EPB41L5: variants seen among roughly 807,000 people sequenced by gnomAD.
EPB41L5 encodes the protein erythrocyte membrane protein band 4.1 like 5, also known as band 4.1-like protein 5.
Under a neutral mutation model 106.6 loss-of-function variants are expected in EPB41L5, and 55 were observed. That is an observed-to-expected ratio of 0.52 (90% CI 0.42 to 0.65). EPB41L5 has a LOEUF of 0.65. Ranked by LOEUF, EPB41L5 falls within the 30% of genes least tolerant of loss-of-function variation. The probability of loss-of-function intolerance (pLI) is 0.00; values close to 1 mark genes in which losing one functional copy is unlikely to be tolerated. For missense variants in EPB41L5, 871 were observed against 882.1 expected, an observed-to-expected ratio of 0.99 and a Z score of 0.16; for synonymous variants, 297 against 306.7, an observed-to-expected ratio of 0.97 and a Z score of 0.33.
At chr2:120,049,495 T>G (rs1680066140) in intron 3 of EPB41L5, among the ~76,000 whole-genome samples, 1 of 152,214 alleles carries the variant, frequency 6.6e-6, no homozygotes, top group African/African-American at 2.4e-5. Context: ...CCCTGCTTTT[T>G]TTTTGTTTTC....
chr2:120,097,149 T>C (rs1294801487), intron 14 of EPB41L5, among the ~76,000 whole-genome samples: 2 of 152,230 alleles, frequency 1.3e-5, no homozygotes, highest in Non-Finnish European at 1.5e-5. Context: ...TTAGTGATGC[T>C]TTTGACTCTG....
chr2:120,156,352 C>T (rs776214211), intron 20 of EPB41L5, among the ~76,000 whole-genome samples: 1 of 152,162 alleles, frequency 6.6e-6, no homozygotes, highest in Non-Finnish European at 1.5e-5. Flanking sequence ...AGGGCGGTCC[C>T]CACGGCCATG....
chr2:120,125,556 A>G (rs1311562229), intron 16 of EPB41L5, among the ~76,000 whole-genome samples: 1 of 152,238 alleles, frequency 6.6e-6, no homozygotes, highest in Non-Finnish European at 1.5e-5. Flanking sequence ...CCACAGAGTA[A>G]GATGCCTTTC....
intron 16 of EPB41L5, chr2:120,104,645 T>A: frequency 1.0e-6 from 1 of 987,088 alleles, no homozygotes; most frequent in Non-Finnish European, 1.2e-6. Flanking sequence ...AGTGGAAGCA[T>A]GTCTAGGCAT....
intron 16 of EPB41L5, chr2:120,106,199 A>G: frequency 1.0e-6 from 1 of 985,384 alleles, no homozygotes; most frequent in Non-Finnish European, 1.2e-6. Context: ...TGATTTGCGA[A>G]TTCCTGATGA....
rs1329997804 is a variant in EPB41L5, at chr2:120,048,721, C to G, written c.285+6611C>G. The stretch of plus-strand genomic sequence containing the variant: ...TTTTAATGTGTTTGCTCTTGCTTCT[C>G]TAGTTCTTTTAATTGTGATGTTAGG... On this transcript the variant is annotated intron_variant, in intron 3 of 24. Coordinates refer to ENST00000263713, the MANE Select transcript of EPB41L5 (RefSeq NM_020909.4). Among the ~76,000 whole-genome samples, 4 of 152,068 alleles carry G rather than the reference C, an allele frequency of 2.6e-5. No homozygotes were observed. The South Asian group carries it at 8.3e-4, about 32-fold the overall frequency.
At chr2:120,126,170 A>AAT (rs1685454632) in intron 16 of EPB41L5, among the ~76,000 whole-genome samples, 2 of 152,220 alleles carry the variant, frequency 1.3e-5, no homozygotes, top group South Asian at 2.1e-4. Context: ...AACTTATACT[A>AAT]ATATATATAC....
chr2:120,125,569 C>G (rs776746571), intron 16 of EPB41L5, among the ~76,000 whole-genome samples: 41 of 152,290 alleles, frequency 2.7e-4, no homozygotes, highest in Middle Eastern at 3.4e-3. Flanking sequence ...TGCCTTTCTC[C>G]ACTTTCAGAG....
chr2:120,086,308 G>A (rs993043918), intron 10 of EPB41L5, among the ~76,000 whole-genome samples: 2 of 152,166 alleles, frequency 1.3e-5, no homozygotes, highest in African/African-American at 4.8e-5. Flanking sequence ...GTCAATCGGA[G>A]TGTCACATTG....
At chr2:120,069,670 G>A (rs1681720980) in intron 3 of EPB41L5, among the ~76,000 whole-genome samples, 2 of 152,132 alleles carry the variant, frequency 1.3e-5, no homozygotes, top group South Asian at 4.2e-4. Context: ...AACTCACTCA[G>A]AATAGCACAA....
At chr2:120,014,681 AAG>A (rs1677390349) in intron 1 of EPB41L5, among the ~76,000 whole-genome samples, 2 of 152,194 alleles carry the variant, frequency 1.3e-5, no homozygotes, top group East Asian at 1.9e-4. Context: ...CAACTGGAAA[AAG>A]AGCAATCCAG....
chr2:120,086,881 A>T (rs1227970905), intron 10 of EPB41L5, among the ~76,000 whole-genome samples: 1 of 152,200 alleles, frequency 6.6e-6, no homozygotes, highest in Non-Finnish European at 1.5e-5. Flanking sequence ...AGACCTAAAG[A>T]ATCTCTTACA....
At chr2:120,032,196 C>T (rs946258286) in intron 2 of EPB41L5, among the ~76,000 whole-genome samples, 2 of 152,070 alleles carry the variant, frequency 1.3e-5, no homozygotes, top group Non-Finnish European at 2.9e-5. Flanking sequence ...GCCTGGCCAA[C>T]AAGGCGAAAC....
At chr2:120,054,865 C>CTTTT in intron 3 of EPB41L5, among the ~76,000 whole-genome samples, 1 of 129,786 alleles carries the variant, frequency 7.7e-6, no homozygotes, top group South Asian at 2.3e-4. Context: ...CATATATACA[C>CTTTT]TTTTTTTTTT....
intron 2 of EPB41L5, among the ~76,000 whole-genome samples, chr2:120,037,109 T>C (rs1159234678): frequency 2.0e-5 from 3 of 151,944 alleles, no homozygotes; most frequent in Non-Finnish European, 4.4e-5. Context: ...AAAAACCTTA[T>C]GGTGCTAATA....
At chr2:120,100,958 A>G (rs1044102487) in intron 16 of EPB41L5, 144 bp downstream of exon 16, 6 of 611,386 alleles carry the variant, frequency 9.8e-6, no homozygotes, top group Non-Finnish European at 1.7e-5. Context: ...TTAAATAATC[A>G]TATTGAGATG....
At chr2:120,111,057 C>T (rs1684709752) in intron 16 of EPB41L5, among the ~76,000 whole-genome samples, 1 of 152,132 alleles carries the variant, frequency 6.6e-6, no homozygotes. Context: ...ACAAACTAAA[C>T]TGGACCTTAC....
At position 120,178,267 on chromosome 2, in the gene EPB41L5, A is replaced by G. The variant is rs1574814183; in HGVS notation, c.*3360A>G. On this transcript the variant is annotated 3_prime_UTR_variant, in exon 25 of 25. Coordinates refer to ENST00000263713, the MANE Select transcript of EPB41L5 (RefSeq NM_020909.4). ...TGGCAGGTCCTCAGATAGGTTCTGC[A>G]GTGTTACCTGTCACTTGGAGGCAGC... is the stretch of plus-strand genomic sequence containing the variant. The G allele has an allele frequency of 6.6e-6, 1 of 152,336 alleles. No individual in the cohort carries two copies. Among genetic ancestry groups the G allele is most frequent in the African/African-American group, 2.4e-5 (1 of 41,470 alleles). The allele number at this position is 152,336 out of a possible 1,614,324, so 9.4% of individuals were successfully genotyped here.
chr2:120,167,756 C>G, intron 23 of EPB41L5, 121 bp from the exon 24 acceptor site: 17 of 1,275,788 alleles, frequency 1.3e-5, no homozygotes, highest in Non-Finnish European at 1.9e-5. Flanking sequence ...AACAAACAGT[C>G]ATAATTATCA....
Sources: allele counts gnomAD v4.1 joint callset (sites outside exome capture counted in the v4.1 genomes callset), GRCh38; gene constraint gnomAD v4.1.1; transcripts MANE v1.5; gene names NCBI Gene and HGNC (gene_info 2026-07-23, HGNC 2026-07-21).